Variants in PCDHA2 observed in about 807,000 individuals in gnomAD.
The protein encoded by PCDHA2 is protocadherin alpha 2.
A neutral mutation model predicts 66.0 loss-of-function variants in PCDHA2; 58 were observed. That is an observed-to-expected ratio of 0.88 (90% confidence interval 0.71 to 1.09). PCDHA2 has a LOEUF of 1.09. Among genes scored for constraint, PCDHA2 ranks in the 50% least tolerant of loss-of-function variants. The probability of loss-of-function intolerance (pLI) is 0.00; values close to 1 mark genes in which losing one functional copy is unlikely to be tolerated. For synonymous variants in PCDHA2, 634 were observed against 554.0 expected, an observed-to-expected ratio of 1.14 and a Z score of -2.03; for missense variants, 1,267 against 1,242.3, an observed-to-expected ratio of 1.02 and a Z score of -0.30.
At position 140,809,410 on chromosome 5, in the gene PCDHA2, C is replaced by T. The variant is rs782200079; in HGVS notation, c.2388+12058C>T. 3 of 1,614,104 alleles carry T rather than the reference C, an allele frequency of 1.9e-6. No individual in the cohort carries two copies. In the South Asian group the frequency reaches 3.3e-5, roughly 18 times the overall value. On this transcript the variant is annotated intron_variant, in intron 1 of 3. Coordinates refer to ENST00000526136, the MANE Select transcript of PCDHA2 (RefSeq NM_018905.3). ...CTCCGGGCAAGCCCACGCTGGTGTG[C>T]TCCAGTGCGGTGGGGAGCTGGTCAT...
At chr5:140,945,377 C>T (rs1183566005) in intron 1 of PCDHA2, among the ~76,000 whole-genome samples, 3 of 151,814 alleles carry the variant, frequency 2.0e-5, no homozygotes, top group African/African-American at 7.3e-5. Context: ...CCATATTACC[C>T]AAAGCAATAT....
At chr5:140,943,600 A>G (rs996134923) in intron 1 of PCDHA2, among the ~76,000 whole-genome samples, 1 of 152,198 alleles carries the variant, frequency 6.6e-6, no homozygotes, top group African/African-American at 2.4e-5. Context: ...AATTCTAAAT[A>G]TAGACTTTGA....
rs1023630665 is a variant in PCDHA2, at chr5:140,851,206, T to C, written c.2388+53854T>C. 1.3e-5 allele frequency: 15 copies of C among 1,183,670 alleles called. No homozygotes were observed. The African/African-American group carries it at 2.4e-4, about 19-fold the overall frequency. 73.3% of individuals were successfully genotyped at this position (1,183,670 alleles called of 1,614,324 possible). ...ACCAATTTAGTTGTTAGTCATTCAT[T>C]AAACATTAACATCACTATCATTTAT... On this transcript the variant is annotated intron_variant, in intron 1 of 3. Coordinates refer to ENST00000526136, the MANE Select transcript of PCDHA2 (RefSeq NM_018905.3).
At chr5:140,802,980 C>A (rs1299551760) in intron 1 of PCDHA2, 5 of 1,613,998 alleles carry the variant, frequency 3.1e-6, no homozygotes, top group Non-Finnish European at 4.2e-6. Context: ...AGCGAAGGTG[C>A]GCGCAGTGGA....
At chr5:140,968,946 GCAT>G in intron 1 of PCDHA2, 4 of 1,614,172 alleles carry the variant, frequency 2.5e-6, no homozygotes, top group Non-Finnish European at 3.4e-6. Flanking sequence ...ATCATTTTGA[GCAT>G]CATCAAGTGC....
chr5:140,960,553 C>T (rs2095555809), intron 1 of PCDHA2, among the ~76,000 whole-genome samples: 1 of 152,078 alleles, frequency 6.6e-6, no homozygotes, highest in Non-Finnish European at 1.5e-5. Context: ...TTCATATAGA[C>T]TGAGCTTAGG....
intron 1 of PCDHA2, among the ~76,000 whole-genome samples, chr5:140,821,358 A>G (rs1766954741): frequency 1.3e-5 from 2 of 152,132 alleles, no homozygotes; most frequent in South Asian, 4.1e-4. Context: ...CTTTAGATGT[A>G]TTTTTCTGTA....
At chr5:140,803,259 G>T in intron 1 of PCDHA2, 1 of 1,613,936 alleles carries the variant, frequency 6.2e-7, no homozygotes, top group Non-Finnish European at 8.5e-7. Context: ...TGGCGCCACG[G>T]GCCCGGAAGC....
At chr5:140,968,969 A>C in intron 1 of PCDHA2, 2 of 1,614,230 alleles carry the variant, frequency 1.2e-6, no homozygotes. Flanking sequence ...CTACCGCTAC[A>C]CTGCGTATGG....
intron 1 of PCDHA2, chr5:140,928,862 G>A (rs1554206427): frequency 1.2e-6 from 2 of 1,614,166 alleles, no homozygotes; most frequent in Admixed American, 1.7e-5. Context: ...GTGCTGTTGA[G>A]CAACTCTGTC....
At chr5:140,805,259 G>A (rs1581671680) in intron 1 of PCDHA2, 3 of 1,289,660 alleles carry the variant, frequency 2.3e-6, no homozygotes, top group Non-Finnish European at 2.9e-6. Flanking sequence ...AAAATACCTG[G>A]TAAATGAAAA....
intron 1 of PCDHA2, chr5:140,855,997 T>C (rs1562502842): frequency 1.3e-6 from 2 of 1,505,732 alleles, no homozygotes; most frequent in Non-Finnish European, 1.8e-6. Flanking sequence ...TCAGATCGTA[T>C]GTGCGTTCTA....
chr5:140,807,876 T>C (rs781990148), intron 1 of PCDHA2: 1 of 1,614,154 alleles, frequency 6.2e-7, no homozygotes. Context: ...CAGTTACTCA[T>C]CACAGTACTG....
rs145195613 is a variant in PCDHA2, at chr5:140,845,173, T to C, written c.2388+47821T>C. Among the ~76,000 whole-genome samples, 10 of 149,788 alleles carry C rather than the reference T, an allele frequency of 6.7e-5. No individual in the cohort carries two copies. The East Asian group carries it at 1.7e-3, about 26-fold the overall frequency. On this transcript the variant is annotated intron_variant, in intron 1 of 3. Transcript: ENST00000526136. ...GTGTAAAAGCGAATTGTTTTCATTTTAGTCCTTTAAAAAATATGATTGTTT... is the reference window on the plus strand; with the variant it reads ...GTGTAAAAGCGAATTGTTTTCATTTCAGTCCTTTAAAAAATATGATTGTTT...
intron 1 of PCDHA2, chr5:140,824,610 G>GTTTTTTTGTTTTTTTTTT (rs1768198907): frequency 1.1e-5 from 1 of 95,104 alleles, no homozygotes; most frequent in African/African-American, 4.9e-5. Context: ...GCTAATTAAA[G>GTTTTTTTGTTTTTTTTTT]TTTTTTTTTT....
intron 1 of PCDHA2, chr5:140,967,158 T>G (rs1586192830): frequency 6.2e-7 from 1 of 1,610,448 alleles, no homozygotes. Context: ...CCCGTGGCGG[T>G]GAGCGCCGTT....
chr5:140,926,828 C>T (rs2083578925), intron 1 of PCDHA2: 1 of 1,501,376 alleles, frequency 6.7e-7, no homozygotes, highest in African/African-American at 1.4e-5. Flanking sequence ...TCCAGGAGTC[C>T]GGAGCATGGT....
chr5:140,882,542 C>A, intron 1 of PCDHA2: 5 of 1,614,166 alleles, frequency 3.1e-6, no homozygotes, highest in Non-Finnish European at 3.4e-6. Context: ...TCGGATCGAC[C>A]GCGAGGAGCT....
chr5:140,850,309 C>A, intron 1 of PCDHA2: 1 of 1,597,088 alleles, frequency 6.3e-7, no homozygotes, highest in Non-Finnish European at 8.6e-7. Context: ...GGCTACAACG[C>A]GTGGCTTTCA....
Sources: allele counts gnomAD v4.1 joint callset (sites outside exome capture counted in the v4.1 genomes callset), GRCh38; gene constraint gnomAD v4.1.1; transcripts MANE v1.5; gene names NCBI Gene and HGNC (gene_info 2026-07-23, HGNC 2026-07-21).